CBFA2T2: variants seen among roughly 807,000 people sequenced by gnomAD.
CBFA2T2 encodes the protein CBFA2/RUNX1 partner transcriptional co-repressor 2.
Under a neutral mutation model 62.2 loss-of-function variants are expected in CBFA2T2, and 11 were observed. The ratio of observed to expected loss-of-function variants is 0.18; its 90% CI spans 0.11 to 0.29. The LOEUF is 0.29. Ranked by LOEUF, CBFA2T2 falls within the 10% of genes least tolerant of loss-of-function variation. CBFA2T2 has a pLI of 1.00. For missense variants in CBFA2T2, 592 were observed against 774.1 expected (o/e 0.76, Z 2.79); for synonymous variants, 295 against 287.5 (o/e 1.03, Z -0.27).
intron 1 of CBFA2T2, among the ~76,000 whole-genome samples, chr20:33,556,691 T>A (rs992089853): frequency 6.6e-6 from 1 of 152,112 alleles, no homozygotes; most frequent in Non-Finnish European, 1.5e-5. Flanking sequence ...CACCTTGACC[T>A]CCCAGAGTGC....
At chr20:33,507,119 A>T (rs2011416256) in intron 1 of CBFA2T2, among the ~76,000 whole-genome samples, 1 of 152,228 alleles carries the variant, frequency 6.6e-6, no homozygotes, top group African/African-American at 2.4e-5. Context: ...ACAGCTAATT[A>T]TACTAGAAGG....
chr20:33,626,761 T>C (rs1296805836), intron 6 of CBFA2T2, among the ~76,000 whole-genome samples: 3 of 152,176 alleles, frequency 2.0e-5, no homozygotes, highest in Non-Finnish European at 2.9e-5. Flanking sequence ...TTGGCCACAG[T>C]GGGGCCCCTG....
At chr20:33,492,595 G>C (rs2011156174) in intron 1 of CBFA2T2, among the ~76,000 whole-genome samples, 1 of 151,922 alleles carries the variant, frequency 6.6e-6, no homozygotes, top group Non-Finnish European at 1.5e-5. Flanking sequence ...GCCCACAGCA[G>C]CCTCAACCTC....
chr20:33,590,801 T>C (rs1196402821), intron 1 of CBFA2T2, among the ~76,000 whole-genome samples: 1 of 152,180 alleles, frequency 6.6e-6, no homozygotes, highest in Non-Finnish European at 1.5e-5. Context: ...ACTGGGCCTT[T>C]CTTTGCGCTG....
chr20:33,628,446 T>C lies in CBFA2T2; in HGVS notation c.1032+11T>C, dbSNP rs1226687613. The C allele has an allele frequency of 6.3e-7, 1 of 1,579,136 alleles. No individual in the cohort carries two copies. The highest frequency in any genetic ancestry group is 2.2e-5 in the East Asian group (1 of 44,742). On this transcript the variant is annotated intron_variant, in intron 7 of 10. Coordinates refer to ENST00000342704, the MANE Select transcript of CBFA2T2 (RefSeq NM_001032999.3). The stretch of plus-strand genomic sequence containing the variant: ...AAACATCTTGACCATGTAAGAATCT[T>C]GTAGTGTGTAATGTCCCTAACTCTT...
At chr20:33,539,816 A>G (rs1270501502) in intron 1 of CBFA2T2, among the ~76,000 whole-genome samples, 1 of 151,854 alleles carries the variant, frequency 6.6e-6, no homozygotes, top group Non-Finnish European at 1.5e-5. Flanking sequence ...CATCCTGAGT[A>G]GCTGGGACTA....
chr20:33,514,033 T>C (rs564144416), intron 1 of CBFA2T2, among the ~76,000 whole-genome samples: 2 of 149,114 alleles, frequency 1.3e-5, no homozygotes, highest in Non-Finnish European at 3.0e-5. Flanking sequence ...CCCAAGTAGC[T>C]GGGATTGCAG....
intron 1 of CBFA2T2, among the ~76,000 whole-genome samples, chr20:33,580,094 G>A (rs1213155625): frequency 6.6e-6 from 1 of 151,824 alleles, no homozygotes; most frequent in Non-Finnish European, 1.5e-5. Context: ...TAGGATTATG[G>A]GTGTGAGCCA....
intron 1 of CBFA2T2, among the ~76,000 whole-genome samples, chr20:33,500,660 G>A (rs542400805): frequency 6.6e-6 from 1 of 152,196 alleles, no homozygotes; most frequent in African/African-American, 2.4e-5. Flanking sequence ...AGTGAGCCAA[G>A]ATCCTGCCAC....
intron 3 of CBFA2T2, chr20:33,618,641 T>TTTTGTTTGTTTG (rs202168401): frequency 6.6e-6 from 1 of 152,102 alleles, no homozygotes; most frequent in Non-Finnish European, 1.5e-5. Context: ...TTCTGGTGGT[T>TTTTGTTTGTTTG]TTTGTTTGTT....
At chr20:33,615,104 G>T (rs1172862213) in intron 3 of CBFA2T2, among the ~76,000 whole-genome samples, 1 of 152,216 alleles carries the variant, frequency 6.6e-6, no homozygotes, top group Admixed American at 6.5e-5. Context: ...GACTGAGGCA[G>T]GAGGATCACT....
intron 1 of CBFA2T2, among the ~76,000 whole-genome samples, chr20:33,583,516 CT>C (rs1479403265): frequency 6.6e-6 from 1 of 152,016 alleles, no homozygotes; most frequent in African/African-American, 2.4e-5. Flanking sequence ...AGTTTTGGGG[CT>C]TTTTTTCCCT....
intron 6 of CBFA2T2, 119 bp downstream of exon 6, chr20:33,625,136 A>G: frequency 1.1e-6 from 1 of 932,336 alleles, no homozygotes; most frequent in Non-Finnish European, 1.6e-6. Context: ...ACAATATTAT[A>G]CATAGACTAT....
At chr20:33,493,489 C>G (rs1439778816) in intron 1 of CBFA2T2, among the ~76,000 whole-genome samples, 2 of 152,152 alleles carry the variant, frequency 1.3e-5, no homozygotes, top group Non-Finnish European at 2.9e-5. Flanking sequence ...AGAACTGTGG[C>G]CTCACATGTT....
At chr20:33,532,758 G>A (rs554437270) in intron 1 of CBFA2T2, among the ~76,000 whole-genome samples, 3 of 152,328 alleles carry the variant, frequency 2.0e-5, no homozygotes, top group Admixed American at 6.5e-5. Flanking sequence ...CTGACTTGCA[G>A]TTTAAAAGCT....
rs146426901 is a variant in CBFA2T2 at position 33,519,283 on chromosome 20, G to T, written c.34+28982G>T. ...TCAGGAGTTCGAGACCAGCCTGGCC[G>T]ACAAGGTGAAGCCCCATTTCTACTA... On this transcript the variant is annotated intron_variant, in intron 1 of 10. Coordinates refer to ENST00000342704, the MANE Select transcript of CBFA2T2 (RefSeq NM_001032999.3). Among the ~76,000 whole-genome samples the T allele has an allele frequency of 5.4e-3, 825 of 151,772 alleles. 10 individuals carry two copies. Among genetic ancestry groups the T allele is most frequent in the African/African-American group, 0.019 (775 of 41,354 alleles).
At chr20:33,616,173 A>C (rs116544651) in intron 3 of CBFA2T2, among the ~76,000 whole-genome samples, 1 of 152,302 alleles carries the variant, frequency 6.6e-6, no homozygotes, top group African/African-American at 2.4e-5. Flanking sequence ...AGATATAGAT[A>C]CATACATACA....
chr20:33,517,274 G>A lies in CBFA2T2; in HGVS notation c.34+26973G>A, dbSNP rs147248263. Among the ~76,000 whole-genome samples, 17 of 152,228 alleles carry A rather than the reference G, an allele frequency of 1.1e-4. No homozygotes were observed. In the East Asian group the frequency reaches 3.3e-3, roughly 29 times the overall value. ...AGAGCTGTGCTGGAAATGAAAATAA[G>A]TCCTTTCTGTTATTCATGACATATG... is the stretch of plus-strand genomic sequence containing the variant. On this transcript the variant is annotated intron_variant, in intron 1 of 10. Transcript: ENST00000342704.
chr20:33,498,403 C>T (rs1297422860), intron 1 of CBFA2T2, among the ~76,000 whole-genome samples: 1 of 151,906 alleles, frequency 6.6e-6, no homozygotes, highest in East Asian at 1.9e-4. Context: ...AGGCATGCGC[C>T]ACCACACCTG....
Sources: gnomAD v4.1 joint callset for allele counts (sites outside exome capture counted in the v4.1 genomes callset) on GRCh38, gnomAD v4.1.1 for gene constraint, MANE v1.5 for transcripts, NCBI Gene and HGNC (gene_info 2026-07-23, HGNC 2026-07-21) for gene names.